Variants in TSPOAP1 observed in about 807,000 individuals in gnomAD.
TSPOAP1 encodes the protein peripheral-type benzodiazepine receptor-associated protein 1.
Under a neutral mutation model 197.0 loss-of-function variants are expected in TSPOAP1, and 87 were observed. That is an observed-to-expected ratio of 0.44 (90% CI 0.37 to 0.53). The LOEUF (loss-of-function observed/expected upper bound fraction) is 0.53, where lower values mean the gene tolerates loss of function less well. Among genes scored for constraint, TSPOAP1 ranks in the 20% least tolerant of loss-of-function variants. The probability of loss-of-function intolerance (pLI) is 0.00; values close to 1 mark genes in which losing one functional copy is unlikely to be tolerated. For missense variants in TSPOAP1, 2,174 were observed against 2,411.3 expected (o/e 0.90, Z 2.06); for synonymous variants, 913 against 998.9 (o/e 0.91, Z 1.62).
Position 58,305,367 on chromosome 17 carries a change from CT to C in TSPOAP1, c.5433+19del. ...CTGGGGGGCTGGGATATGGTACACC[CT>C]CCCCAACAATGTTCTCACATAGTAG... On this transcript the variant is annotated intron_variant, in intron 29 of 31. Transcript: ENST00000343736. 6.2e-7 allele frequency: 1 copy of C among 1,613,274 alleles called. No individual in the cohort carries two copies. Among genetic ancestry groups the C allele is most frequent in the Non-Finnish European group, 8.5e-7 (1 of 1,179,426 alleles).
At position 58,325,690 on chromosome 17, in the gene TSPOAP1, C is replaced by T. The variant is rs368734339; in HGVS notation, c.594G>A (p.Pro198=). Residue 198 remains proline (P), a synonymous_variant, in exon 4 of 32, where the codon CCG becomes CCA. Coordinates refer to ENST00000343736, the MANE Select transcript of TSPOAP1 (RefSeq NM_004758.4). The part of the protein sequence containing the change: ...LRVVSAPLPR[P]GTSLELCRKA... The stretch of plus-strand genomic sequence containing the variant: ...TCCGACACAACTCCAAGCTGGTCCC[C>T]GGCCGGGGCAAGGGGGCACTCACCT... The T allele has an allele frequency of 8.1e-6, 13 of 1,611,086 alleles. No individual in the cohort carries two copies. The African/African-American group carries it at 1.1e-4, about 13-fold the overall frequency.
chr17:58,312,126 C>G lies in TSPOAP1; in HGVS notation c.2695G>C (p.Glu899Gln). ...CTATTGCCGGGCACCCAGGTGATCT[C>G]AGCAGATGTGGCTGTCAACCGATGG... The part of the protein sequence containing the change: ...RVHRLTATSA[E>Q]ITWVPGNSNL... Residue 899 changes from glutamate (E) to glutamine (Q), a missense_variant, in exon 17 of 32, where the codon GAG becomes CAG. By Grantham distance (29) the Glu-to-Gln change is conservative. Coordinates refer to ENST00000343736, the MANE Select transcript of TSPOAP1 (RefSeq NM_004758.4). 2 of 1,613,346 alleles carry G rather than the reference C, an allele frequency of 1.2e-6. No individual in the cohort carries two copies. The highest frequency in any genetic ancestry group is 1.7e-6 in the Non-Finnish European group (2 of 1,180,024).
At chr17:58,320,070 G>A (rs1971359689) in intron 12 of TSPOAP1, 39 bp downstream of exon 12, 3 of 1,613,856 alleles carry the variant, frequency 1.9e-6, no homozygotes, top group African/African-American at 1.3e-5. Context: ...AACTCAGCCA[G>A]CCTGGAGAGG....
intron 26 of TSPOAP1, 101 bp downstream of exon 26, chr17:58,306,241 C>T (rs1184811361): frequency 1.6e-6 from 2 of 1,227,090 alleles, no homozygotes; most frequent in Non-Finnish European, 1.2e-6. Context: ...CACCAGCACA[C>T]ACATCCTCCC....
chr17:58,305,115 C>A lies in TSPOAP1; in HGVS notation c.5490G>T (p.Gly1830=), dbSNP rs1164482591. 2 of 1,614,012 alleles carry A rather than the reference C, an allele frequency of 1.2e-6. No homozygotes were observed. ...CCCTGTCCAGGCCGCCTGCCTCAGG[C>A]CCAGGGCCCTCCAGGAAGTTGGATG... The part of the protein sequence containing the change: ...LVPSNFLEGP[G]PEAGGLDREP... The change falls in exon 30 of 32, where the codon GGG becomes GGT. Residue 1830 remains glycine (G), a synonymous_variant. Transcript: ENST00000343736.
At position 58,301,985 on chromosome 17, in the gene TSPOAP1, G is replaced by A. The variant is rs759046784; in HGVS notation, c.*495C>T. The A allele has an allele frequency of 7.7e-6, 2 of 260,988 alleles. No homozygotes were observed. The highest frequency in any genetic ancestry group is 3.6e-5 in the South Asian group (1 of 27,936). The allele number at this position is 260,988 out of a possible 1,614,324, so 16.2% of individuals were successfully genotyped here. A position where few individuals can be genotyped will look rare whatever the true frequency, so the allele number is the denominator to read the frequency against. On this transcript the variant is annotated 3_prime_UTR_variant, in exon 32 of 32. Coordinates refer to ENST00000343736, the MANE Select transcript of TSPOAP1 (RefSeq NM_004758.4). ...ACGAGGTGGGTGGACCAGGACGCGAGGGTCCTGGGTCCAGTCCTGGCTCAG... is the reference window on the plus strand; with the variant it reads ...ACGAGGTGGGTGGACCAGGACGCGAAGGTCCTGGGTCCAGTCCTGGCTCAG...
chr17:58,320,467 A>C (rs1358888667), intron 11 of TSPOAP1, 64 bp downstream of exon 11: 1 of 1,447,612 alleles, frequency 6.9e-7, no homozygotes, highest in Non-Finnish European at 9.2e-7. Flanking sequence ...TTTCAGCTCT[A>C]TCTGGAGGAC....
chr17:58,311,350 T>C (rs1598063037), intron 18 of TSPOAP1, 137 bp from the exon 19 acceptor site: 2 of 1,335,384 alleles, frequency 1.5e-6, no homozygotes, highest in South Asian at 2.7e-5. Flanking sequence ...GCCCTCTGCA[T>C]GGCCTATCTC....
In TSPOAP1 at chr17:58,308,735, C is replaced by T. The variant is rs1467786198; in HGVS notation, c.4537G>A (p.Gly1513Ser). The change falls in exon 22 of 32, where the codon GGC becomes AGC. Residue 1513 changes from glycine to serine, a missense_variant. By Grantham distance (56) the Gly-to-Ser change is moderately conservative (BLOSUM62 0). This residue lies in a region of TSPOAP1 where 1,933 missense variants were observed against 2,139.0 expected (regional missense o/e 0.90). Transcript: ENST00000343736. ...TAGCAGGAGCTGGTGATGCTGATGCCCCCGCTGCCCGCCTCCTGCTCATCC... is the reference window on the plus strand; with the variant it reads ...TAGCAGGAGCTGGTGATGCTGATGCTCCCGCTGCCCGCCTCCTGCTCATCC... Reference protein sequence around the residue: ...SEDEQEAGSGGISITSSCYPG... With the variant: ...SEDEQEAGSGSISITSSCYPG... 6.2e-7 allele frequency: 1 copy of T among 1,612,914 alleles called. No individual in the cohort carries two copies. The highest frequency in any genetic ancestry group is 1.3e-5 in the African/African-American group (1 of 74,936).
rs1971324810 is a variant in TSPOAP1 at position 58,319,140 on chromosome 17, G to C, written c.1649C>G (p.Pro550Arg). The C allele has an allele frequency of 1.3e-6, 2 of 1,551,368 alleles. No homozygotes were observed. Among genetic ancestry groups the C allele is most frequent in the Non-Finnish European group, 1.7e-6 (2 of 1,145,644 alleles). The part of the protein sequence containing the change: ...DCGSLGDCPP[P>R]PCCCSIPQPC... Reference sequence around the variant, plus strand: ...CTGGGGAATGGAGCAGCAGCAGGGGGGTGGTGGGCAGTCTCCAAGGCTCCC... The same window carrying C: ...CTGGGGAATGGAGCAGCAGCAGGGGCGTGGTGGGCAGTCTCCAAGGCTCCC... The change falls in exon 13 of 32, where the codon CCC (proline) becomes CGC (arginine). Residue 550 changes from proline (P) to arginine (R), a missense_variant. This residue lies in a region of TSPOAP1 where 1,933 missense variants were observed against 2,139.0 expected (regional missense o/e 0.90). Transcript: ENST00000343736.
Position 58,307,756 on chromosome 17 carries a change from G to A in TSPOAP1, c.4838C>T (p.Ala1613Val), listed in dbSNP as rs752662013. 2.7e-5 allele frequency: 43 copies of A among 1,614,022 alleles called. No individual in the cohort carries two copies. The highest frequency in any genetic ancestry group is 4.0e-5 in the African/African-American group (3 of 74,944). ...LRPSTAELVP[A>V]RSPSETLAYQ... is the part of the protein sequence containing the mutation. ...AGCCAGTGTTTCTGAGGGGCTCCTC[G>A]CAGGGACTGTGGAGACAGTGGAGAG... Residue 1613 changes from alanine (A) to valine (V), a missense_variant, in exon 24 of 32, where the codon GCG (alanine) becomes GTG (valine). By Grantham distance (64) the Ala-to-Val change is moderately conservative. Around this residue, in one of 5 missense-constraint regions of TSPOAP1, gnomAD observed 1,933 missense variants for 2,139.0 expected, o/e 0.90. Coordinates refer to ENST00000343736, the MANE Select transcript of TSPOAP1 (RefSeq NM_004758.4).
rs1301994142 is a variant in TSPOAP1 at position 58,316,108 on chromosome 17, A to G, written c.2013T>C (p.Asn671=). ...RYSYNPFEGP[N]ENPEAELPLT... ...GCGGAAGCTCTGCTTCTGGATTCTC[A>G]TTGGGACCCTCAAAGGGGTTGTAGC... is the stretch of plus-strand genomic sequence containing the variant. Residue 671 remains asparagine (N), a synonymous_variant, in exon 16 of 32, where the codon AAT becomes AAC. Transcript: ENST00000343736. The G allele has an allele frequency of 1.2e-6, 2 of 1,613,824 alleles. No individual in the cohort carries two copies. Among genetic ancestry groups the G allele is most frequent in the Non-Finnish European group, 1.7e-6 (2 of 1,179,790 alleles).
chr17:58,310,973 C>G lies in TSPOAP1; in HGVS notation c.3322G>C (p.Gly1108Arg). The G allele has an allele frequency of 6.3e-7, 1 of 1,595,602 alleles. No homozygotes were observed. Among genetic ancestry groups the G allele is most frequent in the Non-Finnish European group, 8.5e-7 (1 of 1,171,486 alleles). ...ARAPLASASP[G>R]PGDPSSPLQH... is the part of the protein sequence containing the mutation. Reference sequence around the variant, plus strand: ...AGAGGAGAGCTGGGGTCTCCAGGCCCTGGGGAGGCTGAAGCAAGGGGCGCT... The same window carrying G: ...AGAGGAGAGCTGGGGTCTCCAGGCCGTGGGGAGGCTGAAGCAAGGGGCGCT... Residue 1108 changes from glycine (G) to arginine (R), a missense_variant, in exon 19 of 32, where the codon GGG (glycine) becomes CGG (arginine). By Grantham distance (125) the Gly-to-Arg change is moderately radical. This residue lies in a region of TSPOAP1 where 1,933 missense variants were observed against 2,139.0 expected (regional missense o/e 0.90). Transcript: ENST00000343736.
Position 58,311,950 on chromosome 17 carries a change from T to C in TSPOAP1, c.2871A>G (p.Pro957=). The change falls in exon 17 of 32, where the codon CCA becomes CCG. Residue 957 remains proline (P), a synonymous_variant. Coordinates refer to ENST00000343736, the MANE Select transcript of TSPOAP1 (RefSeq NM_004758.4). ...CCCGCTGCTCCAGCCTCTCCCAGCC[T>C]GGTTCCCAGGGCCCTTGGGGTGGGA... is the stretch of plus-strand genomic sequence containing the variant. The part of the protein sequence containing the change: ...AQLPPQGPWE[P]GWERLEQRAA... The C allele has an allele frequency of 6.3e-7, 1 of 1,597,118 alleles. No individual in the cohort carries two copies. Among genetic ancestry groups the C allele is most frequent in the Non-Finnish European group, 8.5e-7 (1 of 1,170,890 alleles).
At chr17:58,311,247 G>T in intron 18 of TSPOAP1, 34 bp from the exon 19 acceptor site, 2 of 1,602,426 alleles carry the variant, frequency 1.2e-6, no homozygotes, top group Non-Finnish European at 1.7e-6. Context: ...ATGGGAAGCA[G>T]AGGCTGAGAC....
chr17:58,328,370 T>C lies in TSPOAP1; in HGVS notation c.-450A>G, dbSNP rs1409643477. The C allele has an allele frequency of 9.7e-6, 2 of 206,254 alleles. No individual in the cohort carries two copies. Among genetic ancestry groups the C allele is most frequent in the Admixed American group, 5.2e-5 (1 of 19,078 alleles). 12.8% of individuals were successfully genotyped at this position (206,254 alleles called of 1,614,324 possible). A position where few individuals can be genotyped will look rare whatever the true frequency, so the allele number is the denominator to read the frequency against. ...TGTCACTGTCTGCCCATTTCAGAGT[T>C]GCCAGTTGTTTGTGTGTGTGTGTGT... On this transcript the variant is annotated 5_prime_UTR_variant, in exon 1 of 32. Coordinates refer to ENST00000343736, the MANE Select transcript of TSPOAP1 (RefSeq NM_004758.4). This position sits in a 1 kb window ranked among gnomAD's most constrained non-coding sequence, Gnocchi z 4.3.
Position 58,310,854 on chromosome 17 carries a change from A to T in TSPOAP1, c.3441T>A (p.Pro1147=). The T allele has an allele frequency of 6.5e-7, 1 of 1,548,152 alleles. No individual in the cohort carries two copies. The highest frequency in any genetic ancestry group is 8.7e-7 in the Non-Finnish European group (1 of 1,148,380). ...AGGGTACCTGGGAGCAAGGTGCTGGAGGGTCCTCGTGGGACCCTTTTGCCA... is the reference window on the plus strand; with the variant it reads ...AGGGTACCTGGGAGCAAGGTGCTGGTGGGTCCTCGTGGGACCCTTTTGCCA... ...REMAKGSHED[P]PAPCSQEEAG... is the part of the protein sequence containing the mutation. Residue 1147 remains proline, a synonymous_variant, in exon 19 of 32, where the codon CCT becomes CCA. Transcript: ENST00000343736.
rs762644490 is a variant in TSPOAP1 at position 58,307,869 on chromosome 17, C to G, written c.4804G>C (p.Val1602Leu). 8.1e-6 allele frequency: 13 copies of G among 1,613,642 alleles called. No homozygotes were observed. The Admixed American group carries it at 2.2e-4, about 27-fold the overall frequency. Residue 1602 changes from valine (V) to leucine (L), a missense_variant, in exon 23 of 32, where the codon GTC (valine) becomes CTC (leucine). By Grantham distance (32) the Val-to-Leu change is conservative (BLOSUM62 1). This residue lies in a region of TSPOAP1 where 1,933 missense variants were observed against 2,139.0 expected (regional missense o/e 0.90). Coordinates refer to ENST00000343736, the MANE Select transcript of TSPOAP1 (RefSeq NM_004758.4). Reference protein sequence around the residue: ...RRGPQKRGVRVLRPSTAELVP... With the variant: ...RRGPQKRGVRLLRPSTAELVP... ...AGCTCTGCAGTGCTTGGCCTGAGGA[C>G]TCGGACACCTCTCTTCTGGGGGCCC... is the stretch of plus-strand genomic sequence containing the variant.
Position 58,326,186 on chromosome 17 carries a change from G to A in TSPOAP1, c.570+107C>T. ...CCCCTAGATTCTTGCTTTCCTAGGT[G>A]CTGAGCTGAGACCGTGACTCCCAAG... On this transcript the variant is annotated intron_variant, in intron 3 of 31. Coordinates refer to ENST00000343736, the MANE Select transcript of TSPOAP1 (RefSeq NM_004758.4). The surrounding 1 kb of genome is among the most constrained non-coding windows in gnomAD (Gnocchi z 4.7). 1 of 1,525,102 alleles carries A rather than the reference G, an allele frequency of 6.6e-7. No homozygotes were observed. The highest frequency in any genetic ancestry group is 8.8e-7 in the Non-Finnish European group (1 of 1,133,040). 94.5% of individuals were successfully genotyped at this position (1,525,102 alleles called of 1,614,324 possible).
Sources: allele counts gnomAD v4.1 joint callset, GRCh38; gene constraint gnomAD v4.1.1; regional missense constraint gnomAD v4.1.1; non-coding constraint Gnocchi (gnomAD v3.1); transcripts MANE v1.5; gene names NCBI Gene and HGNC (gene_info 2026-07-23, HGNC 2026-07-21).